CMTM7: variants seen among roughly 807,000 people sequenced by gnomAD.
CMTM7 encodes CKLF like MARVEL transmembrane domain containing 7, also known as CKLF-like MARVEL transmembrane domain-containing protein 7.
A neutral mutation model predicts 19.3 loss-of-function variants in CMTM7; 7 were observed. That is an observed-to-expected ratio of 0.36 (90% CI 0.21 to 0.68). The LOEUF (loss-of-function observed/expected upper bound fraction) is 0.68. Among genes scored for constraint, CMTM7 ranks in the 30% least tolerant of loss-of-function variants. The pLI is 0.60. For synonymous variants in CMTM7, 87 were observed against 99.3 expected, an observed-to-expected ratio of 0.88 and a Z score of 0.74; for missense variants, 193 against 232.6, an observed-to-expected ratio of 0.83 and a Z score of 1.11.
At chr3:32,451,870 T>C (rs1696837690) in intron 3 of CMTM7, 1 of 368,678 alleles carries the variant, frequency 2.7e-6, no homozygotes, top group Non-Finnish European at 5.3e-6. Flanking sequence ...GAGTCTAATA[T>C]TGTTTAATAT....
intron 2 of CMTM7, among the ~76,000 whole-genome samples, chr3:32,448,493 G>GATTCAGA (rs1696784208): frequency 6.6e-6 from 1 of 152,206 alleles, no homozygotes; most frequent in African/African-American, 2.4e-5. Context: ...ATGCACCCTG[G>GATTCAGA]ATTCAGAGCA....
chr3:32,447,515 AAGT>A (rs1696769305), intron 2 of CMTM7, among the ~76,000 whole-genome samples: 1 of 152,146 alleles, frequency 6.6e-6, no homozygotes, highest in African/African-American at 2.4e-5. Flanking sequence ...ACATTGCTGA[AAGT>A]AGGGATATTG....
intron 2 of CMTM7, among the ~76,000 whole-genome samples, chr3:32,444,577 T>C (rs1696726996): frequency 6.6e-6 from 1 of 152,258 alleles, no homozygotes; most frequent in African/African-American, 2.4e-5. Flanking sequence ...TTTCAATTTC[T>C]ACAAAAATCA....
intron 2 of CMTM7, among the ~76,000 whole-genome samples, chr3:32,447,991 A>AT (rs1559415308): frequency 6.6e-6 from 1 of 151,982 alleles, no homozygotes; most frequent in Non-Finnish European, 1.5e-5. Flanking sequence ...AAGTTATGGC[A>AT]TTTTTTTCTG....
intron 2 of CMTM7, among the ~76,000 whole-genome samples, chr3:32,443,805 C>T (rs892711921): frequency 6.6e-6 from 1 of 152,210 alleles, no homozygotes; most frequent in Non-Finnish European, 1.5e-5. Context: ...TTCATTTCTC[C>T]AGTGACTAAT....
chr3:32,415,239 G>A (rs186052078), intron 1 of CMTM7, among the ~76,000 whole-genome samples: 4 of 152,038 alleles, frequency 2.6e-5, no homozygotes, highest in Admixed American at 2.6e-4. Flanking sequence ...AGGGGCCCAG[G>A]GACCTGCATT....
At chr3:32,421,617 T>C (rs543520504) in intron 1 of CMTM7, among the ~76,000 whole-genome samples, 1 of 152,310 alleles carries the variant, frequency 6.6e-6, no homozygotes, top group East Asian at 1.9e-4. Context: ...CCCTGTTTTG[T>C]TGTCGTTACT....
Position 32,449,445 on chromosome 3 carries a change from T to G in CMTM7, c.334-9T>G. 1.2e-6 allele frequency: 2 copies of G among 1,606,480 alleles called. No homozygotes were observed. The highest frequency in any genetic ancestry group is 1.7e-6 in the Non-Finnish European group (2 of 1,173,004). ...CCTACCCACTTATTTGCTTTGTTTC[T>G]GCCCCCAGGAACTTCTGCACTATTT... On this transcript the variant is annotated splice_polypyrimidine_tract_variant and intron_variant, in intron 2 of 4. Transcript: ENST00000334983. The surrounding 1 kb of genome is among the most constrained non-coding windows in gnomAD (Gnocchi z 4.5).
At chr3:32,432,073 T>C (rs767241123) in intron 1 of CMTM7, among the ~76,000 whole-genome samples, 2 of 152,252 alleles carry the variant, frequency 1.3e-5, no homozygotes, top group Non-Finnish European at 2.9e-5. Context: ...TTCTGAGCCT[T>C]GGATTCAGAT....
chr3:32,450,844 A>T (rs1696818689), intron 3 of CMTM7, among the ~76,000 whole-genome samples: 1 of 152,208 alleles, frequency 6.6e-6, no homozygotes, highest in Non-Finnish European at 1.5e-5. Context: ...TCTATAGCTA[A>T]CATTCATCAT....
At chr3:32,423,693 G>A (rs1696380591) in intron 1 of CMTM7, among the ~76,000 whole-genome samples, 1 of 152,224 alleles carries the variant, frequency 6.6e-6, no homozygotes, top group South Asian at 2.1e-4. Context: ...GGTTTATCAA[G>A]CTATTCTCAA....
intron 1 of CMTM7, among the ~76,000 whole-genome samples, chr3:32,406,276 C>A (rs1355169233): frequency 6.6e-6 from 1 of 152,140 alleles, no homozygotes; most frequent in Non-Finnish European, 1.5e-5. Context: ...GGGTATTTCT[C>A]CCTTTTGTTA....
chr3:32,437,566 C>G (rs1696615291), intron 1 of CMTM7, among the ~76,000 whole-genome samples: 1 of 152,084 alleles, frequency 6.6e-6, no homozygotes, highest in Non-Finnish European at 1.5e-5. Context: ...CACTGCACTC[C>G]AGCCTGGGTG....
At chr3:32,412,480 GACACACACACACACACACACACAC>G (rs3081435) in intron 1 of CMTM7, among the ~76,000 whole-genome samples, 95 of 120,472 alleles carry the variant, frequency 7.9e-4, no homozygotes, top group Middle Eastern at 4.3e-3. Context: ...GATTGAGACT[GACACACACACACACACACACACAC>G]ACACACACAC....
At position 32,454,626 on chromosome 3, in the gene CMTM7, G is replaced by T. The variant is rs890019980; in HGVS notation, c.*372G>T. 2 of 405,456 alleles carry T rather than the reference G, an allele frequency of 4.9e-6. No individual in the cohort carries two copies. The highest frequency in any genetic ancestry group is 3.5e-5 in the Admixed American group (1 of 28,536). The allele number at this position is 405,456 out of a possible 1,614,324, so 25.1% of individuals were successfully genotyped here. The stretch of plus-strand genomic sequence containing the variant: ...CCCTTCTACTTCACTCCTCAGGGGA[G>T]TGAAGTGCCTTAAGAAACAAAGCCC... On this transcript the variant is annotated 3_prime_UTR_variant, in exon 5 of 5. Coordinates refer to ENST00000334983, the MANE Select transcript of CMTM7 (RefSeq NM_138410.4).
intron 2 of CMTM7, among the ~76,000 whole-genome samples, chr3:32,445,528 T>G (rs1696741217): frequency 6.6e-6 from 1 of 152,192 alleles, no homozygotes; most frequent in South Asian, 2.1e-4. Context: ...TGTTTTGTTT[T>G]TTTAGACAGG....
chr3:32,437,856 A>G (rs1042662309), intron 1 of CMTM7, among the ~76,000 whole-genome samples: 2 of 152,046 alleles, frequency 1.3e-5, no homozygotes, highest in Non-Finnish European at 1.5e-5. Flanking sequence ...TTGCCACTGC[A>G]CTCCTGCCTA....
intron 1 of CMTM7, among the ~76,000 whole-genome samples, chr3:32,428,617 G>C (rs1209559844): frequency 1.3e-5 from 2 of 152,206 alleles, no homozygotes; most frequent in Non-Finnish European, 2.9e-5. Flanking sequence ...TCTCATCTTA[G>C]TGTGAGCCCT....
chr3:32,427,008 C>A (rs1696443404), intron 1 of CMTM7, among the ~76,000 whole-genome samples: 1 of 152,216 alleles, frequency 6.6e-6, no homozygotes, highest in African/African-American at 2.4e-5. Flanking sequence ...ACCCTCATAA[C>A]TTCCTAATAG....
Sources: gnomAD v4.1 joint callset for allele counts (sites outside exome capture counted in the v4.1 genomes callset) on GRCh38, gnomAD v4.1.1 for gene constraint, Gnocchi (gnomAD v3.1) non-coding constraint, MANE v1.5 for transcripts, NCBI Gene and HGNC (gene_info 2026-07-23, HGNC 2026-07-21) for gene names.